RTL9: variants seen among roughly 807,000 people sequenced by gnomAD.
The protein encoded by RTL9 is retrotransposon Gag like 9, also known as retrotransposon Gag-like protein 9.
In RTL9, 19 loss-of-function variants were observed where a neutral mutation model predicts 44.7. The ratio of observed to expected loss-of-function variants is 0.42; its 90% CI spans 0.30 to 0.62. The LOEUF (loss-of-function observed/expected upper bound fraction) is 0.62. Among genes scored for constraint, RTL9 ranks in the 20% least tolerant of loss-of-function variants. The pLI is 0.16. For missense variants in RTL9, 1,105 were observed against 1,080.6 expected (o/e 1.02, Z -0.32); for synonymous variants, 407 against 398.9 (o/e 1.02, Z -0.24).
upstream of RTL9, among the ~76,000 whole-genome samples, chrX:110,449,361 G>A (rs2068926620): frequency 8.9e-6 from 1 of 112,697 alleles, no homozygotes; most frequent in Non-Finnish European, 1.9e-5. Context: ...CACTGTTAGC[G>A]TTTCTGTTGC....
intron 1 of RTL9, among the ~76,000 whole-genome samples, chrX:110,428,747 C>T (rs1446401088): frequency 9.0e-6 from 1 of 111,628 alleles, no homozygotes; most frequent in Non-Finnish European, 1.9e-5. Flanking sequence ...GTCTGCCTTC[C>T]CAACCATACC....
chrX:110,439,333 C>T (rs960262749), intron 1 of RTL9, among the ~76,000 whole-genome samples: 1 of 112,249 alleles, frequency 8.9e-6, no homozygotes, highest in Admixed American at 9.4e-5. Context: ...AGGGACCATT[C>T]GTGGGATAGC....
At chrX:110,385,095 A>C (rs2068445868) in intron 1 of RTL9, among the ~76,000 whole-genome samples, 1 of 111,188 alleles carries the variant, frequency 9.0e-6, no homozygotes, top group Non-Finnish European at 1.9e-5. Flanking sequence ...AACATTCTAG[A>C]TCCAGATGGC....
chrX:110,387,252 C>G (rs1274266050), intron 1 of RTL9, among the ~76,000 whole-genome samples: 1 of 112,462 alleles, frequency 8.9e-6, no homozygotes, highest in Non-Finnish European at 1.9e-5. Flanking sequence ...TGAAGACTTA[C>G]GTGGCCTCTG....
chrX:110,390,152 G>A (rs1480882820), intron 1 of RTL9, among the ~76,000 whole-genome samples: 2 of 111,337 alleles, frequency 1.8e-5, no homozygotes, highest in South Asian at 3.8e-4. Context: ...TACATTAAAC[G>A]ATCTTTGAAA....
chrX:110,390,377 T>G (rs1028091293), intron 1 of RTL9, among the ~76,000 whole-genome samples: 1 of 112,485 alleles, frequency 8.9e-6, no homozygotes, highest in African/African-American at 3.2e-5. Flanking sequence ...CATTTAAATA[T>G]ATACATATAT....
chrX:110,386,583 A>G lies in RTL9; in HGVS notation c.-168+27667A>G, dbSNP rs1270899684. On this transcript the variant is annotated intron_variant, in intron 1 of 2. Coordinates refer to the RTL9 transcript ENST00000520821. The stretch of plus-strand genomic sequence containing the variant: ...CAGTTCTTATATATTCTGCATGCAA[A>G]TCTCTTGTCAGATATATGTTTGTGA... 5.4e-5 allele frequency among the ~76,000 whole-genome samples: 6 copies of G among 111,283 alleles called. No homozygotes were observed. In the Admixed American group the frequency reaches 5.7e-4, roughly 11 times the overall value.
chrX:110,377,589 C>T (rs1045002842), intron 1 of RTL9, among the ~76,000 whole-genome samples: 1 of 112,127 alleles, frequency 8.9e-6, no homozygotes, highest in Non-Finnish European at 1.9e-5. Flanking sequence ...TTTTCTTACT[C>T]AGGACTGGTG....
chrX:110,419,464 T>C (rs1047356358), intron 1 of RTL9, among the ~76,000 whole-genome samples: 1 of 112,500 alleles, frequency 8.9e-6, no homozygotes, highest in Non-Finnish European at 1.9e-5. Flanking sequence ...AATGCTTCCT[T>C]AACCCCATTT....
At chrX:110,439,847 C>T (rs952813185) in intron 1 of RTL9, 1 of 111,039 alleles carries the variant, frequency 9.0e-6, no homozygotes, top group Non-Finnish European at 1.9e-5. Context: ...TCCTCTCCCC[C>T]TCCCCAAAAG....
intron 1 of RTL9, among the ~76,000 whole-genome samples, chrX:110,399,744 C>T (rs2068551549): frequency 8.9e-6 from 1 of 111,895 alleles, no homozygotes; most frequent in Admixed American, 9.5e-5. Flanking sequence ...AAAACCCATG[C>T]TAGCATAAGA....
At chrX:110,448,701 CA>C (rs1387671806), upstream of RTL9, among the ~76,000 whole-genome samples, 1 of 105,770 alleles carries the variant, frequency 9.5e-6, no homozygotes, top group Non-Finnish European at 1.9e-5. Flanking sequence ...GGCTGGCGGG[CA>C]GGGGGGCGTG....
chrX:110,446,966 G>T (rs1203965741), upstream of RTL9, among the ~76,000 whole-genome samples: 1 of 110,937 alleles, frequency 9.0e-6, no homozygotes, highest in African/African-American at 3.3e-5. Flanking sequence ...CTCGTAGTAT[G>T]TTGTGAGTGT....
rs765137567 is a variant in RTL9 at position 110,383,212 on chromosome X, A to G, written c.-168+24296A>G. ...GGCTATCTGTCCCTTTCTCAGTTGA[A>G]TATATGAGGGTCTTCTTCCCAGGAG... On this transcript the variant is annotated intron_variant, in intron 1 of 2. Coordinates refer to the RTL9 transcript ENST00000520821. Among the ~76,000 whole-genome samples the G allele has an allele frequency of 3.6e-5, 4 of 111,313 alleles. No individual in the cohort carries two copies. The South Asian group carries it at 1.5e-3, about 42-fold the overall frequency.
At chrX:110,395,494 GA>G (rs1355400481) in intron 1 of RTL9, among the ~76,000 whole-genome samples, 1 of 112,002 alleles carries the variant, frequency 8.9e-6, no homozygotes, top group Non-Finnish European at 1.9e-5. Context: ...TCCTACAAGG[GA>G]AGTACCATTT....
chrX:110,428,883 C>G (rs1041133214), intron 1 of RTL9, among the ~76,000 whole-genome samples: 1 of 112,316 alleles, frequency 8.9e-6, no homozygotes, highest in African/African-American at 3.2e-5. Flanking sequence ...GAGCATTAAA[C>G]CAAGCATAGG....
At chrX:110,447,540 A>G (rs1265476810), upstream of RTL9, among the ~76,000 whole-genome samples, 1 of 110,341 alleles carries the variant, frequency 9.1e-6, no homozygotes, top group African/African-American at 3.3e-5. Flanking sequence ...TATTTTGGAA[A>G]CAGAATGGCC....
chrX:110,448,052 G>C (rs770641485), upstream of RTL9, among the ~76,000 whole-genome samples: 2 of 112,206 alleles, frequency 1.8e-5, no homozygotes, highest in Non-Finnish European at 1.9e-5. Context: ...TGCTTTTCTT[G>C]CTAGCTGTCT....
At chrX:110,452,444 G>A in exon 1 of RTL9, 11 of 1,210,691 alleles carry the variant, frequency 9.1e-6, no homozygotes, top group Non-Finnish European at 1.2e-5. Flanking sequence ...TGAGATCTCT[G>A]GCCTCTGGAG....
Sources: gnomAD v4.1 joint callset for allele counts (sites outside exome capture counted in the v4.1 genomes callset) on GRCh38, gnomAD v4.1.1 for gene constraint, MANE v1.5 for transcripts, NCBI Gene and HGNC (gene_info 2026-07-23, HGNC 2026-07-21) for gene names.